The following TIAM2 variants were observed in gnomAD, a reference collection of about 807,000 sequenced individuals.
TIAM2 encodes the protein TIAM Rac1 associated GEF 2.
TIAM2 carries 80 observed loss-of-function variants against 152.9 expected under a neutral mutation model. That is an observed-to-expected ratio of 0.52 (90% CI 0.44 to 0.63). The LOEUF (loss-of-function observed/expected upper bound fraction) is 0.63. Ranked by LOEUF, TIAM2 falls within the 30% of genes least tolerant of loss-of-function variation. TIAM2 has a pLI of 0.00. For synonymous variants in TIAM2, 804 were observed against 838.0 expected, an observed-to-expected ratio of 0.96 and a Z score of 0.70; for missense variants, 1,965 against 2,120.1, an observed-to-expected ratio of 0.93 and a Z score of 1.44.
chr6:155,176,664 T>C (rs1024612102), intron 9 of TIAM2, 152 bp from the exon 10 acceptor site: 12 of 722,202 alleles, frequency 1.7e-5, no homozygotes, highest in Non-Finnish European at 2.6e-5. Context: ...TGAGGAAACG[T>C]TGTCAGCCTC....
At chr6:155,206,384 C>T (rs999019709) in intron 14 of TIAM2, among the ~76,000 whole-genome samples, 31 of 152,234 alleles carry the variant, frequency 2.0e-4, no homozygotes, top group Non-Finnish European at 2.5e-4. Context: ...TACAGGCACC[C>T]ACCACCAGGC....
At chr6:155,088,099 A>C (rs1292781881) in intron 1 of TIAM2, among the ~76,000 whole-genome samples, 3 of 128,730 alleles carry the variant, frequency 2.3e-5, no homozygotes, top group Admixed American at 9.6e-5. Flanking sequence ...CTTGTTGCCC[A>C]GGCTGGAGTG....
Position 155,257,200 on chromosome 6 carries a change from A to AC in TIAM2, c.*79_*80insC. On this transcript the variant is annotated 3_prime_UTR_variant, in exon 27 of 27. Transcript: ENST00000682666. ...GTAAAGTGGAAATTGCAAAAAAAAA[A>AC]AAAAAAAAAAACTGTTCATTCCTGG... 1 of 1,426,330 alleles carries AC rather than the reference A, an allele frequency of 7.0e-7. No individual in the cohort carries two copies. Among genetic ancestry groups the AC allele is most frequent in the Non-Finnish European group, 9.5e-7 (1 of 1,051,182 alleles). 88.4% of individuals were successfully genotyped at this position (1,426,330 alleles called of 1,614,324 possible).
chr6:155,104,036 A>C lies in TIAM2; in HGVS notation c.-118+13657A>C, dbSNP rs746498514. 7.7e-3 allele frequency among the ~76,000 whole-genome samples: 704 copies of C among 90,850 alleles called. 16 individuals are homozygous for C. The highest frequency in any genetic ancestry group is 0.031 in the African/African-American group (438 of 14,052). 59.6% of individuals were successfully genotyped at this position (90,850 alleles called of 152,430 possible). On this transcript the variant is annotated intron_variant, in intron 2 of 26. Transcript: ENST00000682666. ...CTTCTTCTGTATTTACCTCACACAC[A>C]CACACCCCCCCCCCCACACCCCCAC...
intron 2 of TIAM2, among the ~76,000 whole-genome samples, chr6:155,123,809 C>T (rs886336210): frequency 6.6e-6 from 1 of 152,102 alleles, no homozygotes; most frequent in African/African-American, 2.4e-5. Flanking sequence ...GGGAGCCTTT[C>T]GCCTCCAGTG....
chr6:155,102,767 TTGTGTGTG>T (rs56117781), intron 2 of TIAM2, among the ~76,000 whole-genome samples: 4,778 of 145,722 alleles, frequency 0.033, 156 homozygotes, highest in African/African-American at 0.088. Context: ...GATTAATTTA[TTGTGTGTG>T]TGTGTGTGTG....
At chr6:155,045,297 C>T (rs1223681066) in intron 1 of TIAM2, among the ~76,000 whole-genome samples, 2 of 152,016 alleles carry the variant, frequency 1.3e-5, no homozygotes, top group South Asian at 2.1e-4. Flanking sequence ...CTCCTGACCT[C>T]GTGATCCACC....
intron 2 of TIAM2, among the ~76,000 whole-genome samples, chr6:155,119,450 A>G (rs1779101372): frequency 6.6e-6 from 1 of 150,494 alleles, no homozygotes; most frequent in Non-Finnish European, 1.5e-5. Context: ...AGTGATTCTC[A>G]TGCCTCAGCC....
chr6:155,001,560 G>A (rs375524383), intron 1 of TIAM2, among the ~76,000 whole-genome samples: 1 of 152,374 alleles, frequency 6.6e-6, no homozygotes, highest in East Asian at 1.9e-4. Context: ...AGCGTATAAT[G>A]TATTTCCTCT....
chr6:155,192,352 G>A (rs1342186867), intron 14 of TIAM2, among the ~76,000 whole-genome samples: 1 of 152,120 alleles, frequency 6.6e-6, no homozygotes, highest in Non-Finnish European at 1.5e-5. Flanking sequence ...GGGTGCCATG[G>A]TCTGGAGGCA....
intron 1 of TIAM2, among the ~76,000 whole-genome samples, chr6:155,012,142 T>G (rs1207733233): frequency 6.6e-6 from 1 of 152,238 alleles, no homozygotes; most frequent in Non-Finnish European, 1.5e-5. Context: ...GCCTACAATT[T>G]CAAAGAGTTC....
chr6:155,240,106 G>A (rs113599487), intron 15 of TIAM2, among the ~76,000 whole-genome samples: 1,891 of 152,346 alleles, frequency 0.012, 40 homozygotes, highest in African/African-American at 0.043. Flanking sequence ...TTCTGTGTGG[G>A]AGATGGAAAA....
chr6:155,250,746 T>C, intron 21 of TIAM2, 167 bp from the exon 22 acceptor site: 3 of 1,143,350 alleles, frequency 2.6e-6, no homozygotes, highest in Non-Finnish European at 3.7e-6. Context: ...GCTTAACTCA[T>C]ATTTTCAAAA....
intron 1 of TIAM2, chr6:155,005,086 A>T: frequency 3.0e-6 from 1 of 331,910 alleles, no homozygotes. Context: ...GGCTTGGAGG[A>T]TGGTAATGGA....
At chr6:155,227,958 G>A (rs1782306242) in intron 15 of TIAM2, among the ~76,000 whole-genome samples, 2 of 152,224 alleles carry the variant, frequency 1.3e-5, no homozygotes, top group South Asian at 4.1e-4. Flanking sequence ...AGAGCAGAGT[G>A]CTTGGTCTGT....
intron 2 of TIAM2, among the ~76,000 whole-genome samples, chr6:155,111,854 T>G (rs189568121): frequency 6.6e-6 from 1 of 152,294 alleles, no homozygotes; most frequent in Admixed American, 6.5e-5. Context: ...TCTGCTCCCC[T>G]TTATAGTAAA....
intron 4 of TIAM2, among the ~76,000 whole-genome samples, chr6:155,134,808 C>T (rs572711339): frequency 2.0e-5 from 3 of 152,196 alleles, no homozygotes; most frequent in Admixed American, 1.3e-4. Context: ...CGGGTTCAAG[C>T]GATTCTCCTG....
In TIAM2 at chr6:155,074,872, A is replaced by C. The variant is rs1054434790; in HGVS notation, c.-208-15417A>C. ...CTGTCTCAAAAAAAAAAAAAAAAAAAAAAAAACCTCTGAGGATTGTCAGTA... is the reference window on the plus strand; with the variant it reads ...CTGTCTCAAAAAAAAAAAAAAAAAACAAAAAACCTCTGAGGATTGTCAGTA... On this transcript the variant is annotated intron_variant, in intron 1 of 26. Transcript: ENST00000682666. Among the ~76,000 whole-genome samples the C allele has an allele frequency of 1.5e-3, 220 of 151,492 alleles. 1 individual carries two copies. Among genetic ancestry groups the C allele is most frequent in the African/African-American group, 5.1e-3 (209 of 41,318 alleles).
Position 155,256,633 on chromosome 6 carries a change from G to A in TIAM2, c.4618G>A (p.Asp1540Asn). Reference sequence around the variant, plus strand: ...CTGCCCCACGGCTGAGGGCAGGCAGGACTCCAAGAGCACTTCTCCCGGGAA... The same window carrying A: ...CTGCCCCACGGCTGAGGGCAGGCAGAACTCCAAGAGCACTTCTCCCGGGAA... ...SGCPTAEGRQDSKSTSPGKYP... is the reference protein window; with the variant it reads ...SGCPTAEGRQNSKSTSPGKYP... The change falls in exon 27 of 27, where the codon GAC (aspartate) becomes AAC (asparagine). Residue 1540 changes from aspartate to asparagine, a missense_variant. Around this residue, in one of 3 missense-constraint regions of TIAM2, gnomAD observed 935 missense variants for 980.0 expected, o/e 0.95. Transcript: ENST00000682666. 1 of 1,614,154 alleles carries A rather than the reference G, an allele frequency of 6.2e-7. No individual in the cohort carries two copies. The highest frequency in any genetic ancestry group is 8.5e-7 in the Non-Finnish European group (1 of 1,180,026).
Sources: allele counts gnomAD v4.1 joint callset (sites outside exome capture counted in the v4.1 genomes callset), GRCh38; gene constraint gnomAD v4.1.1; regional missense constraint gnomAD v4.1.1; transcripts MANE v1.5; gene names NCBI Gene and HGNC (gene_info 2026-07-23, HGNC 2026-07-21).